DLG2: variants seen among roughly 807,000 people sequenced by gnomAD.
DLG2 encodes disks large homolog 2.
A neutral mutation model predicts 132.5 loss-of-function variants in DLG2; 45 were observed. That is an observed-to-expected ratio of 0.34 (90% CI 0.27 to 0.44). The LOEUF (loss-of-function observed/expected upper bound fraction) is 0.44. Among genes scored for constraint, DLG2 ranks in the 20% least tolerant of loss-of-function variants. DLG2 has a pLI of 1.00. For missense variants in DLG2, 1,045 were observed against 1,196.9 expected, an observed-to-expected ratio of 0.87 and a Z score of 1.87; for synonymous variants, 424 against 419.6, an observed-to-expected ratio of 1.01 and a Z score of -0.13.
chr11:83,920,341 T>C, intron 15 of DLG2, among the ~76,000 whole-genome samples: 1 of 91,386 alleles, frequency 1.1e-5, no homozygotes, highest in East Asian at 1.1e-3. Context: ...ATAGGGAAGG[T>C]TTATTTTCTC....
intron 9 of DLG2, among the ~76,000 whole-genome samples, chr11:84,162,564 T>C (rs2095571112): frequency 6.6e-6 from 1 of 152,110 alleles, no homozygotes. Context: ...TTATAAACCA[T>C]ATCAATACAC....
intron 10 of DLG2, among the ~76,000 whole-genome samples, chr11:84,071,009 T>C (rs1383977821): frequency 2.0e-5 from 3 of 152,236 alleles, no homozygotes; most frequent in African/African-American, 7.2e-5. Context: ...GAGTGTTCCT[T>C]CTTTTTTAGC....
intron 21 of DLG2, among the ~76,000 whole-genome samples, chr11:83,519,012 G>A (rs1403762534): frequency 6.6e-6 from 1 of 152,164 alleles, no homozygotes; most frequent in East Asian, 1.9e-4. Context: ...CCCATCAAGT[G>A]TGGGGGTCAG....
intron 6 of DLG2, among the ~76,000 whole-genome samples, chr11:84,898,264 C>CA (rs767793530): frequency 1.3e-5 from 2 of 151,882 alleles, no homozygotes; most frequent in Non-Finnish European, 2.9e-5. Flanking sequence ...ATTTATTAAA[C>CA]AAAAATAGTC....
chr11:83,774,538 T>C (rs993231693), intron 18 of DLG2, among the ~76,000 whole-genome samples: 2 of 152,128 alleles, frequency 1.3e-5, no homozygotes, highest in Non-Finnish European at 2.9e-5. Flanking sequence ...TTTGAACATA[T>C]CTATCCGATT....
chr11:84,201,885 T>TTCGGC (rs1258627044), intron 8 of DLG2, among the ~76,000 whole-genome samples: 1 of 139,200 alleles, frequency 7.2e-6, no homozygotes, highest in Non-Finnish European at 1.5e-5. Flanking sequence ...ATGGTGGGGT[T>TTCGGC]TCGGCTCACT....
chr11:83,784,250 T>C (rs903188005), intron 18 of DLG2, among the ~76,000 whole-genome samples: 1 of 152,222 alleles, frequency 6.6e-6, no homozygotes, highest in Non-Finnish European at 1.5e-5. Context: ...TCATTTGTTA[T>C]TTTAAAGGTA....
At chr11:85,095,558 A>C (rs2154178027) in intron 6 of DLG2, among the ~76,000 whole-genome samples, 1 of 152,200 alleles carries the variant, frequency 6.6e-6, no homozygotes, top group East Asian at 1.9e-4. Flanking sequence ...CTGAAAAAAA[A>C]ATACTTTCCT....
chr11:85,557,577 A>G (rs1225291289), intron 3 of DLG2, among the ~76,000 whole-genome samples: 1 of 151,910 alleles, frequency 6.6e-6, no homozygotes, highest in Non-Finnish European at 1.5e-5. Context: ...TACAGTACCA[A>G]AACAGCATGT....
intron 3 of DLG2, among the ~76,000 whole-genome samples, chr11:85,466,509 G>T (rs1485096491): frequency 6.6e-6 from 1 of 152,154 alleles, no homozygotes; most frequent in African/African-American, 2.4e-5. Context: ...GAGGGATCCA[G>T]TTTCAGCTTT....
At chr11:83,789,734 G>T (rs889595864) in intron 17 of DLG2, among the ~76,000 whole-genome samples, 1 of 152,304 alleles carries the variant, frequency 6.6e-6, no homozygotes, top group African/African-American at 2.4e-5. Flanking sequence ...TTTTAGCAGA[G>T]ATGGGGTTTC....
intron 3 of DLG2, among the ~76,000 whole-genome samples, chr11:85,491,990 A>G (rs571425677): frequency 1.3e-5 from 2 of 149,426 alleles, no homozygotes; most frequent in Non-Finnish European, 2.9e-5. Flanking sequence ...TGACTTTGAA[A>G]TATACTACAA....
At chr11:85,092,079 A>T (rs747536651) in intron 6 of DLG2, among the ~76,000 whole-genome samples, 1 of 152,236 alleles carries the variant, frequency 6.6e-6, no homozygotes, top group Non-Finnish European at 1.5e-5. Flanking sequence ...TTGAAAATTA[A>T]AATTACTCCT....
intron 7 of DLG2, among the ~76,000 whole-genome samples, chr11:84,417,495 G>C (rs923605642): frequency 6.6e-6 from 1 of 151,918 alleles, no homozygotes; most frequent in Non-Finnish European, 1.5e-5. Context: ...TCCCTCATCG[G>C]TACTTTCCTT....
intron 3 of DLG2, among the ~76,000 whole-genome samples, chr11:85,557,346 G>A (rs939540713): frequency 1.3e-5 from 2 of 151,682 alleles, no homozygotes; most frequent in Non-Finnish European, 1.5e-5. Flanking sequence ...CTGATGGACT[G>A]GAAAAATCAA....
At chr11:84,530,292 C>T (rs532077473) in intron 7 of DLG2, among the ~76,000 whole-genome samples, 7 of 152,102 alleles carry the variant, frequency 4.6e-5, no homozygotes, top group East Asian at 1.9e-4. Context: ...ATTTGACAAA[C>T]GGGACCTAAT....
At chr11:83,541,100 G>C (rs1246444220) in intron 20 of DLG2, among the ~76,000 whole-genome samples, 1 of 152,006 alleles carries the variant, frequency 6.6e-6, no homozygotes, top group Non-Finnish European at 1.5e-5. Flanking sequence ...GAAGTTGTGA[G>C]GTGGGGAACA....
intron 8 of DLG2, among the ~76,000 whole-genome samples, chr11:84,210,160 G>A (rs1235496067): frequency 6.6e-6 from 1 of 151,928 alleles, no homozygotes; most frequent in South Asian, 2.1e-4. Flanking sequence ...GTACATGCCT[G>A]TAATCCCAGC....
At chr11:83,727,452 T>C (rs1404154638) in intron 18 of DLG2, among the ~76,000 whole-genome samples, 1 of 152,204 alleles carries the variant, frequency 6.6e-6, no homozygotes, top group Non-Finnish European at 1.5e-5. Context: ...ACTCAGTGGA[T>C]TCAGGTGCAA....
Sources: gnomAD v4.1 joint callset for allele counts (sites outside exome capture counted in the v4.1 genomes callset) on GRCh38, gnomAD v4.1.1 for gene constraint, MANE v1.5 for transcripts, NCBI Gene and HGNC (gene_info 2026-07-23, HGNC 2026-07-21) for gene names.